TCF4: variants seen among roughly 807,000 people sequenced by gnomAD.
TCF4 encodes transcription factor 4.
In TCF4, 3 loss-of-function variants were observed where a neutral mutation model predicts 82.1. That is an observed-to-expected ratio of 0.04 (90% CI 0.02 to 0.09). TCF4 has a LOEUF of 0.09. TCF4 is among the 10% of genes least tolerant of loss of function. The pLI is 1.00. For synonymous variants in TCF4, 276 were observed against 309.6 expected, an observed-to-expected ratio of 0.89 and a Z score of 1.14; for missense variants, 518 against 852.7, an observed-to-expected ratio of 0.61 and a Z score of 4.89.
intron 3 of TCF4, among the ~76,000 whole-genome samples, chr18:55,582,669 T>C (rs1357556100): frequency 1.3e-5 from 2 of 152,182 alleles, no homozygotes; most frequent in East Asian, 3.9e-4. Flanking sequence ...CAAATCACTA[T>C]GGAGCATCCT....
intron 6 of TCF4, among the ~76,000 whole-genome samples, chr18:55,352,231 T>C (rs2144832825): frequency 6.6e-6 from 1 of 152,312 alleles, no homozygotes; most frequent in Admixed American, 6.5e-5. Context: ...GACAGTCTTT[T>C]TGATTCCTAA....
At chr18:55,441,684 C>T (rs1276272198) in intron 5 of TCF4, among the ~76,000 whole-genome samples, 1 of 152,084 alleles carries the variant, frequency 6.6e-6, no homozygotes, top group Non-Finnish European at 1.5e-5. Flanking sequence ...AGTACTACTA[C>T]ATATTATATA....
At position 55,426,055 on chromosome 18, in the gene TCF4, G is replaced by C. The variant is rs113549844; in HGVS notation, c.305-22537C>G. Reference sequence around the variant, plus strand: ...ATTTTACAGCAGACTTGTTTCTAAAGAAGGGACATGTCCATCCTAAAACAC... The same window carrying C: ...ATTTTACAGCAGACTTGTTTCTAAACAAGGGACATGTCCATCCTAAAACAC... On this transcript the variant is annotated intron_variant, in intron 5 of 19. Transcript: ENST00000354452. Among the ~76,000 whole-genome samples, 1,288 of 150,496 alleles carry C rather than the reference G, an allele frequency of 8.6e-3. 17 individuals are homozygous for C. Among genetic ancestry groups the C allele is most frequent in the African/African-American group, 0.03 (1,218 of 40,288 alleles).
At chr18:55,422,507 G>C in intron 5 of TCF4, 1 of 958,576 alleles carries the variant, frequency 1.0e-6, no homozygotes, top group South Asian at 4.8e-5. Flanking sequence ...AAAAAAAAGA[G>C]AATCTAGTTC....
chr18:55,222,388 C>T lies in TCF4; in HGVS notation c.*5647G>A, dbSNP rs922742188. The T allele has an allele frequency of 3.3e-5, 5 of 151,954 alleles. No homozygotes were observed. The South Asian group carries it at 8.3e-4, about 25-fold the overall frequency. The allele number at this position is 151,954 out of a possible 1,614,324, so 9.4% of individuals were successfully genotyped here. A position where few individuals can be genotyped will look rare whatever the true frequency, so the allele number is the denominator to read the frequency against. On this transcript the variant is annotated 3_prime_UTR_variant, in exon 20 of 20. Transcript: ENST00000354452. The stretch of plus-strand genomic sequence containing the variant: ...ACACACAGTAAGAACATAAGAACAT[C>T]TCAAATCATTTAGAAGGTAAAAGGG...
intron 8 of TCF4, among the ~76,000 whole-genome samples, chr18:55,294,751 A>G (rs2146720895): frequency 6.6e-6 from 1 of 152,278 alleles, no homozygotes; most frequent in Non-Finnish European, 1.5e-5. Flanking sequence ...ATATTTATCT[A>G]CACCTCAGTT....
chr18:55,530,565 G>GGC (rs1555729332), intron 3 of TCF4, among the ~76,000 whole-genome samples: 2 of 149,386 alleles, frequency 1.3e-5, no homozygotes, highest in East Asian at 2.0e-4. Flanking sequence ...CTGAAAAGGG[G>GGC]GGGGGAAACA....
chr18:55,514,914 A>G (rs2096866341), intron 3 of TCF4, among the ~76,000 whole-genome samples: 1 of 152,184 alleles, frequency 6.6e-6, no homozygotes, highest in African/African-American at 2.4e-5. Flanking sequence ...TATTACTATT[A>G]AAATTATTAC....
At chr18:55,403,617 A>G in intron 5 of TCF4, 99 bp from the exon 6 acceptor site, 8 of 1,611,312 alleles carry the variant, frequency 5.0e-6, no homozygotes, top group Non-Finnish European at 6.8e-6. Context: ...CGATGTTTAC[A>G]TACGTAAAGT....
chr18:55,322,965 C>T (rs1358830438), intron 8 of TCF4, among the ~76,000 whole-genome samples: 6 of 152,260 alleles, frequency 3.9e-5, no homozygotes, highest in Non-Finnish European at 7.4e-5. Context: ...TACTAAACTT[C>T]GATTTTGCTA....
chr18:55,632,440 T>G (rs1272675280), intron 1 of TCF4, among the ~76,000 whole-genome samples: 1 of 152,182 alleles, frequency 6.6e-6, no homozygotes, highest in Non-Finnish European at 1.5e-5. Flanking sequence ...AAGGCAATAT[T>G]CAGGGAGACG....
chr18:55,243,082 T>A (rs918494391), intron 15 of TCF4, among the ~76,000 whole-genome samples: 7 of 152,198 alleles, frequency 4.6e-5, no homozygotes, highest in African/African-American at 1.7e-4. Context: ...TTTTGAGTGA[T>A]GGGTCGAATT....
At chr18:55,526,533 A>C (rs561225615) in intron 3 of TCF4, among the ~76,000 whole-genome samples, 19 of 152,222 alleles carry the variant, frequency 1.2e-4, no homozygotes, top group African/African-American at 4.1e-4. Context: ...CATGCTTGGC[A>C]CTTATTTTAC....
In TCF4 at chr18:55,237,969, T is replaced by C. The variant is rs147037445; in HGVS notation, c.1351-3286A>G. Among the ~76,000 whole-genome samples, 542 of 152,382 alleles carry C rather than the reference T, an allele frequency of 3.6e-3. 2 individuals carry two copies. Among genetic ancestry groups the C allele is most frequent in the Non-Finnish European group, 5.2e-3 (353 of 68,034 alleles). ...AGATGGAGAAACTCACACTGTTCTC[T>C]GTATATACAAGGGTCAGGGATTTGC... is the stretch of plus-strand genomic sequence containing the variant. On this transcript the variant is annotated intron_variant, in intron 15 of 19. Transcript: ENST00000354452.
At chr18:55,468,885 C>T (rs865983131) in intron 3 of TCF4, among the ~76,000 whole-genome samples, 3 of 120,894 alleles carry the variant, frequency 2.5e-5, no homozygotes, top group Admixed American at 8.0e-5. Flanking sequence ...GTTCTCGCCC[C>T]CCCCCCCCTT....
chr18:55,361,624 G>T (rs989286550), intron 6 of TCF4, among the ~76,000 whole-genome samples: 1 of 152,166 alleles, frequency 6.6e-6, no homozygotes, highest in Admixed American at 6.5e-5. Flanking sequence ...CCCCAGCTAT[G>T]CTGGGGAGGT....
intron 3 of TCF4, among the ~76,000 whole-genome samples, chr18:55,563,876 C>T (rs1221938465): frequency 2.0e-5 from 3 of 152,150 alleles, no homozygotes; most frequent in Admixed American, 2.0e-4. Flanking sequence ...CTTGAAAATT[C>T]ATTAAATGAA....
intron 2 of TCF4, among the ~76,000 whole-genome samples, chr18:55,621,656 A>ATAAT (rs1209477664): frequency 1.9e-5 from 1 of 53,290 alleles, no homozygotes; most frequent in African/African-American, 6.0e-5. Context: ...TACATTATAT[A>ATAAT]ATATACATTA....
At chr18:55,509,412 G>GT (rs2096800224) in intron 3 of TCF4, among the ~76,000 whole-genome samples, 1 of 151,984 alleles carries the variant, frequency 6.6e-6, no homozygotes, top group African/African-American at 2.4e-5. Context: ...ATCGCTACTT[G>GT]TTTTTTCAGC....
Sources: gnomAD v4.1 joint callset for allele counts (sites outside exome capture counted in the v4.1 genomes callset) on GRCh38, gnomAD v4.1.1 for gene constraint, MANE v1.5 for transcripts, NCBI Gene and HGNC (gene_info 2026-07-23, HGNC 2026-07-21) for gene names.